ERBB4: variants seen among roughly 807,000 people sequenced by gnomAD.
The protein encoded by ERBB4 is receptor tyrosine-protein kinase erbB-4.
A neutral mutation model predicts 158.0 loss-of-function variants in ERBB4; 42 were observed. The observed-to-expected ratio is 0.27, with a 90% CI of 0.21 to 0.34. ERBB4 has a LOEUF of 0.34. Among genes scored for constraint, ERBB4 ranks in the 10% least tolerant of loss-of-function variants. The pLI is 1.00. For missense variants in ERBB4, 1,333 were observed against 1,624.1 expected (o/e 0.82, Z 3.08); for synonymous variants, 583 against 558.7 (o/e 1.04, Z -0.61).
At chr2:211,469,280 A>G (rs2064774199) in intron 20 of ERBB4, among the ~76,000 whole-genome samples, 1 of 152,136 alleles carries the variant, frequency 6.6e-6, no homozygotes, top group Non-Finnish European at 1.5e-5. Flanking sequence ...ATATTCATTC[A>G]TTTATCCATT....
At chr2:211,471,554 T>C (rs1427813006) in intron 20 of ERBB4, among the ~76,000 whole-genome samples, 1 of 152,144 alleles carries the variant, frequency 6.6e-6, no homozygotes, top group East Asian at 1.9e-4. Flanking sequence ...CTGAAAAATA[T>C]AGATATTGTA....
chr2:211,582,795 A>G (rs927906325), intron 19 of ERBB4, among the ~76,000 whole-genome samples: 10 of 152,318 alleles, frequency 6.6e-5, no homozygotes, highest in African/African-American at 2.2e-4. Context: ...CTGGAACACC[A>G]TAACCTAACA....
chr2:212,045,061 AT>A (rs950970619), intron 2 of ERBB4, among the ~76,000 whole-genome samples: 2 of 152,218 alleles, frequency 1.3e-5, no homozygotes, highest in African/African-American at 4.8e-5. Context: ...TGACCAAAAA[AT>A]AATTATGTTA....
chr2:211,509,921 A>G (rs2065847433), intron 20 of ERBB4, among the ~76,000 whole-genome samples: 1 of 152,148 alleles, frequency 6.6e-6, no homozygotes, highest in Admixed American at 6.5e-5. Flanking sequence ...CTGAATGGCT[A>G]TTCATAAAAG....
At chr2:211,425,657 T>C (rs951898048) in intron 22 of ERBB4, among the ~76,000 whole-genome samples, 2 of 151,846 alleles carry the variant, frequency 1.3e-5, no homozygotes, top group Non-Finnish European at 2.9e-5. Context: ...GAATATTTTA[T>C]ATTTAGAATA....
At chr2:211,898,829 T>G (rs146774842) in intron 3 of ERBB4, among the ~76,000 whole-genome samples, 154 of 152,260 alleles carry the variant, frequency 1.0e-3, no homozygotes, top group African/African-American at 3.6e-3. Context: ...CCCAGTAGCA[T>G]GCCTATCATT....
chr2:211,802,245 C>A (rs955797985), intron 3 of ERBB4, among the ~76,000 whole-genome samples: 1 of 143,060 alleles, frequency 7.0e-6, no homozygotes, highest in African/African-American at 2.7e-5. Context: ...GGCGAAAGAG[C>A]GAGACTCAGT....
chr2:211,562,215 T>G, intron 19 of ERBB4, 127 bp from the exon 20 acceptor site: 2 of 755,818 alleles, frequency 2.6e-6, no homozygotes, highest in Admixed American at 2.2e-5. Context: ...TCAATCAAAA[T>G]GAAAAGACAT....
At chr2:212,385,334 A>C (rs1169910558) in intron 1 of ERBB4, among the ~76,000 whole-genome samples, 1 of 151,894 alleles carries the variant, frequency 6.6e-6, no homozygotes, top group African/African-American at 2.4e-5. Flanking sequence ...TGCTTTTAAC[A>C]AAGGATTCCC....
At position 211,576,228 on chromosome 2, in the gene ERBB4, G is replaced by A. The variant is rs149098260; in HGVS notation, c.2302-14140C>T. Among the ~76,000 whole-genome samples, 169 of 152,212 alleles carry A rather than the reference G, an allele frequency of 1.1e-3. 2 individuals are homozygous for A. Among genetic ancestry groups the A allele is most frequent in the Admixed American group, 8.6e-3 (132 of 15,282 alleles). ...TACTGCTAGTGCCTTTGTTTCAGGG[G>A]GCTGAGTCAAAGGAACATGTGGCTT... is the stretch of plus-strand genomic sequence containing the variant. On this transcript the variant is annotated intron_variant, in intron 19 of 27. Coordinates refer to ENST00000342788, the MANE Select transcript of ERBB4 (RefSeq NM_005235.3).
chr2:211,928,211 T>C (rs932968497), intron 3 of ERBB4, among the ~76,000 whole-genome samples: 2 of 152,176 alleles, frequency 1.3e-5, no homozygotes, highest in Non-Finnish European at 2.9e-5. Context: ...TGAACAAATC[T>C]TGTTAAATTT....
intron 1 of ERBB4, among the ~76,000 whole-genome samples, chr2:212,206,586 G>GTTTTTTTTTTTTTTTTTTTTTTTTTTT (rs1393759656): frequency 6.0e-5 from 4 of 66,760 alleles, no homozygotes; most frequent in African/African-American, 9.9e-5. Flanking sequence ...CGTCTGTTCT[G>GTTTTTTTTTTTTTTTTTTTTTTTTTTT]TTCTTTTTTT....
At chr2:212,148,313 G>C (rs911069185) in intron 1 of ERBB4, among the ~76,000 whole-genome samples, 1 of 152,016 alleles carries the variant, frequency 6.6e-6, no homozygotes, top group East Asian at 1.9e-4. Context: ...ATACTTATTA[G>C]CAGATACCTC....
At chr2:212,411,846 T>C (rs921099135) in intron 1 of ERBB4, among the ~76,000 whole-genome samples, 1 of 152,138 alleles carries the variant, frequency 6.6e-6, no homozygotes, top group Admixed American at 6.6e-5. Flanking sequence ...TACTATGCTA[T>C]ACTATATTAT....
At chr2:212,327,894 G>A (rs1434221370) in intron 1 of ERBB4, among the ~76,000 whole-genome samples, 1 of 150,592 alleles carries the variant, frequency 6.6e-6, no homozygotes, top group East Asian at 2.0e-4. Flanking sequence ...AAAAAATAAG[G>A]CATAGATACT....
chr2:212,179,190 CA>C (rs2081774309), intron 1 of ERBB4, among the ~76,000 whole-genome samples: 1 of 151,572 alleles, frequency 6.6e-6, no homozygotes, highest in East Asian at 1.9e-4. Flanking sequence ...GTTGTGAAAT[CA>C]AAAAGCCTGT....
chr2:212,214,251 T>C (rs111282029), intron 1 of ERBB4, among the ~76,000 whole-genome samples: 2 of 151,826 alleles, frequency 1.3e-5, no homozygotes, highest in East Asian at 1.9e-4. Flanking sequence ...CACTGCCCAA[T>C]AGAGTGACCA....
chr2:211,459,521 C>T (rs970236611), intron 20 of ERBB4, among the ~76,000 whole-genome samples: 1 of 152,102 alleles, frequency 6.6e-6, no homozygotes, highest in Non-Finnish European at 1.5e-5. Flanking sequence ...TGGGAAGGAC[C>T]TGGTGGAAGA....
At chr2:212,108,268 A>C (rs993965863) in intron 2 of ERBB4, among the ~76,000 whole-genome samples, 8 of 152,152 alleles carry the variant, frequency 5.3e-5, no homozygotes, top group Non-Finnish European at 1.0e-4. Flanking sequence ...GTAGATTCAA[A>C]CACTTCCCCT....
Sources: gnomAD v4.1 joint callset for allele counts (sites outside exome capture counted in the v4.1 genomes callset) on GRCh38, gnomAD v4.1.1 for gene constraint, MANE v1.5 for transcripts, NCBI Gene and HGNC (gene_info 2026-07-23, HGNC 2026-07-21) for gene names.